SLC22A16: variants seen among roughly 807,000 people sequenced by gnomAD.
The protein encoded by SLC22A16 is solute carrier family 22 member 16, also known as WUGSC:RG331P03.1.
Under a neutral mutation model 52.9 loss-of-function variants are expected in SLC22A16, and 53 were observed. The ratio of observed to expected loss-of-function variants is 1.00; its 90% CI spans 0.80 to 1.26. The LOEUF (loss-of-function observed/expected upper bound fraction) is 1.26. SLC22A16 is among the 50% of genes most tolerant of loss of function. The pLI, the probability that SLC22A16 is intolerant of heterozygous loss-of-function variation, is 0.00. For synonymous variants in SLC22A16, 291 were observed against 268.8 expected (o/e 1.08, Z -0.81); for missense variants, 726 against 704.0 (o/e 1.03, Z -0.35).
At chr6:110,431,669 T>C (rs895196374) in intron 6 of SLC22A16, among the ~76,000 whole-genome samples, 1 of 152,284 alleles carries the variant, frequency 6.6e-6, no homozygotes, top group East Asian at 1.9e-4. Context: ...AAAGGATGCA[T>C]TTCTCAAAAC....
At chr6:110,465,253 T>C (rs1445727870) in intron 1 of SLC22A16, among the ~76,000 whole-genome samples, 1 of 151,996 alleles carries the variant, frequency 6.6e-6, no homozygotes, top group East Asian at 1.9e-4. Flanking sequence ...AGGATTTCAC[T>C]CTTACAGCTC....
chr6:110,456,118 A>T (rs56067393), intron 2 of SLC22A16: 2,719 of 170,014 alleles, frequency 0.016, 36 homozygotes, highest in Non-Finnish European at 0.027. Context: ...TACTCCTATT[A>T]AAAAGCAAGT....
chr6:110,427,111 G>A (rs1774288170), intron 7 of SLC22A16, among the ~76,000 whole-genome samples: 1 of 151,520 alleles, frequency 6.6e-6, no homozygotes. Context: ...AGCCAGGTGT[G>A]GGGGCACATG....
chr6:110,471,972 G>A (rs1776275574), intron 1 of SLC22A16, among the ~76,000 whole-genome samples: 1 of 152,158 alleles, frequency 6.6e-6, no homozygotes, highest in African/African-American at 2.4e-5. Context: ...AGCCCTGGGT[G>A]GCCACCTGAT....
intron 3 of SLC22A16, among the ~76,000 whole-genome samples, chr6:110,445,762 C>T (rs1245056085): frequency 6.6e-6 from 1 of 152,184 alleles, no homozygotes; most frequent in African/African-American, 2.4e-5. Flanking sequence ...GTACCTGTGC[C>T]TTTGTGGAGC....
chr6:110,458,792 C>G (rs980573392), intron 1 of SLC22A16, among the ~76,000 whole-genome samples: 1 of 152,156 alleles, frequency 6.6e-6, no homozygotes, highest in Non-Finnish European at 1.5e-5. Flanking sequence ...GCTGGGACAT[C>G]CATATTCTCT....
chr6:110,468,346 A>G (rs1325101750), intron 1 of SLC22A16, among the ~76,000 whole-genome samples: 1 of 152,204 alleles, frequency 6.6e-6, no homozygotes, highest in Non-Finnish European at 1.5e-5. Flanking sequence ...TGCCAGTAGT[A>G]AAATGATCAG....
intron 1 of SLC22A16, among the ~76,000 whole-genome samples, chr6:110,458,453 G>A (rs1775750605): frequency 6.6e-6 from 1 of 152,164 alleles, no homozygotes; most frequent in South Asian, 2.1e-4. Context: ...ACCCTGTAAG[G>A]CTGGCCCCTA....
chr6:110,456,921 A>T lies in SLC22A16; in HGVS notation c.150T>A (p.His50Gln). The T allele has an allele frequency of 6.2e-7, 1 of 1,613,672 alleles. No homozygotes were observed. The highest frequency in any genetic ancestry group is 1.1e-5 in the South Asian group (1 of 90,960). ...ASVFMGVTPH[H>Q]VCRPPGNVSQ... ...TCACATTGCCTGGGGGCCTGCAGAC[A>T]TGATGAGGGGTGACTCCCATGAACA... The change falls in exon 2 of 8, where the codon CAT (histidine) becomes CAA (glutamine). Residue 50 changes from histidine to glutamine, a missense_variant. Physicochemically the swap from His to Gln is conservative, Grantham distance 24. Coordinates refer to ENST00000368919, the MANE Select transcript of SLC22A16 (RefSeq NM_033125.4).
intron 7 of SLC22A16, among the ~76,000 whole-genome samples, chr6:110,427,516 C>A (rs560602884): frequency 6.6e-6 from 1 of 152,198 alleles, no homozygotes; most frequent in South Asian, 2.1e-4. Flanking sequence ...AGTAAGTAGC[C>A]AATACATGTA....
chr6:110,462,475 T>C (rs1239278599), intron 1 of SLC22A16, among the ~76,000 whole-genome samples: 2 of 151,808 alleles, frequency 1.3e-5, no homozygotes, highest in Non-Finnish European at 2.9e-5. Flanking sequence ...AAAGACAAAA[T>C]AGATATATTA....
intron 1 of SLC22A16, among the ~76,000 whole-genome samples, chr6:110,464,119 C>A (rs575061338): frequency 5.9e-5 from 9 of 152,054 alleles, no homozygotes; most frequent in African/African-American, 2.2e-4. Flanking sequence ...CACAACATAC[C>A]AAAACCTCTG....
chr6:110,435,404 G>A (rs1774683593), intron 6 of SLC22A16, among the ~76,000 whole-genome samples: 1 of 152,160 alleles, frequency 6.6e-6, no homozygotes. Flanking sequence ...GGCCTCAGGA[G>A]AATCCAAACC....
In SLC22A16 at chr6:110,424,776, A is replaced by T; in HGVS notation, c.*97T>A. 7.4e-7 allele frequency: 1 copy of T among 1,344,642 alleles called. No individual in the cohort carries two copies. The highest frequency in any genetic ancestry group is 1.0e-6 in the Non-Finnish European group (1 of 982,030). 83.3% of individuals were successfully genotyped at this position (1,344,642 alleles called of 1,614,324 possible). On this transcript the variant is annotated 3_prime_UTR_variant, in exon 8 of 8. Transcript: ENST00000368919. ...TTCTTACAAAATTTATTAAAAAGAC[A>T]TACAAACAACATATGGGAGATGAGA...
chr6:110,442,507 A>G lies in SLC22A16; in HGVS notation c.920T>C (p.Ile307Thr), dbSNP rs770104336. Residue 307 changes from isoleucine to threonine, a missense_variant, in exon 4 of 8, where the codon ATA becomes ACA. Coordinates refer to ENST00000368919, the MANE Select transcript of SLC22A16 (RefSeq NM_033125.4). ...SEGRYEEAQK[I>T]VDIMAKWNRA... is the part of the protein sequence containing the mutation. ...GTTCCACTTGGCCATGATGTCAACT[A>G]TTTTTTGTGCTTCTTCATATCGTCC... The G allele has an allele frequency of 6.2e-7, 1 of 1,614,192 alleles. No individual in the cohort carries two copies. The highest frequency in any genetic ancestry group is 8.5e-7 in the Non-Finnish European group (1 of 1,180,036).
chr6:110,442,813 C>T, intron 3 of SLC22A16, 38 bp from the exon 4 acceptor site: 4 of 1,575,998 alleles, frequency 2.5e-6, no homozygotes, highest in Middle Eastern at 1.7e-4. Flanking sequence ...TTCAAGGTCA[C>T]ATTTATAACT....
intron 2 of SLC22A16, among the ~76,000 whole-genome samples, chr6:110,450,898 C>T (rs1209610178): frequency 2.0e-5 from 3 of 152,146 alleles, no homozygotes; most frequent in Admixed American, 1.3e-4. Context: ...AATCCCTTGC[C>T]CTTTCTAGGA....
intron 7 of SLC22A16, among the ~76,000 whole-genome samples, chr6:110,428,744 C>T (rs768528053): frequency 6.6e-6 from 1 of 152,126 alleles, no homozygotes; most frequent in Admixed American, 6.5e-5. Context: ...AGTGAAACCC[C>T]GTCTCTACTA....
rs1412574366 is a variant in SLC22A16 at position 110,437,096 on chromosome 6, A to T, written c.1312-1135T>A. Among the ~76,000 whole-genome samples the T allele has an allele frequency of 2.0e-5, 3 of 152,216 alleles. No homozygotes were observed. The East Asian group carries it at 5.8e-4, about 29-fold the overall frequency. Reference sequence around the variant, plus strand: ...TAACAAACATCCTTTATGTTAAGTCACTGAGATTCTGGGATGCCTCTATTA... The same window carrying T: ...TAACAAACATCCTTTATGTTAAGTCTCTGAGATTCTGGGATGCCTCTATTA... On this transcript the variant is annotated intron_variant, in intron 5 of 7. Transcript: ENST00000368919.
Sources: gnomAD v4.1 joint callset for allele counts (sites outside exome capture counted in the v4.1 genomes callset) on GRCh38, gnomAD v4.1.1 for gene constraint, MANE v1.5 for transcripts, NCBI Gene and HGNC (gene_info 2026-07-23, HGNC 2026-07-21) for gene names.